Variants in CYP20A1 observed in about 807,000 individuals in gnomAD.
CYP20A1 encodes cytochrome P450 family 20 subfamily A member 1.
In CYP20A1, 61 loss-of-function variants were observed where a neutral mutation model predicts 61.4. That is an observed-to-expected ratio of 0.99 (90% CI 0.81 to 1.23). CYP20A1 has a LOEUF of 1.23. Among genes scored for constraint, CYP20A1 ranks in the 50% most tolerant of loss-of-function variants. CYP20A1 has a pLI of 0.00. For missense variants in CYP20A1, 530 were observed against 542.4 expected (o/e 0.98, Z 0.23); for synonymous variants, 193 against 188.2 (o/e 1.03, Z -0.21).
chr2:203,295,436 G>A lies in CYP20A1; in HGVS notation c.1149-1038G>A, dbSNP rs1306127653. Among the ~76,000 whole-genome samples, 3 of 152,080 alleles carry A rather than the reference G, an allele frequency of 2.0e-5. No homozygotes were observed. The South Asian group carries it at 6.2e-4, about 31-fold the overall frequency. On this transcript the variant is annotated intron_variant, in intron 11 of 12. Transcript: ENST00000356079. Reference sequence around the variant, plus strand: ...TGATAAATATAATTTTAAGGCTGGAGCCTCCAATTTTAAGACATAAATTTC... The same window carrying A: ...TGATAAATATAATTTTAAGGCTGGAACCTCCAATTTTAAGACATAAATTTC...
At chr2:203,266,378 C>A in intron 4 of CYP20A1, 136 bp from the exon 5 acceptor site, 2 of 711,186 alleles carry the variant, frequency 2.8e-6, no homozygotes, top group Non-Finnish European at 4.7e-6. Flanking sequence ...TAGTGTTAGT[C>A]TGACAGATTC....
chr2:203,300,967 C>T lies in CYP20A1; in HGVS notation c.*4059C>T, dbSNP rs1326357231. On this transcript the variant is annotated 3_prime_UTR_variant, in exon 13 of 13. Coordinates refer to ENST00000356079, the MANE Select transcript of CYP20A1 (RefSeq NM_177538.3). Reference sequence around the variant, plus strand: ...ATCCCAGCACTTTGGGAGGCTGAGGCGGGCAGATCACCTGAAGTCAGGAGT... The same window carrying T: ...ATCCCAGCACTTTGGGAGGCTGAGGTGGGCAGATCACCTGAAGTCAGGAGT... Among the ~76,000 whole-genome samples the T allele has an allele frequency of 2.0e-5, 3 of 148,656 alleles. No individual in the cohort carries two copies. The highest frequency in any genetic ancestry group is 2.5e-5 in the African/African-American group (1 of 40,312).
intron 1 of CYP20A1, among the ~76,000 whole-genome samples, chr2:203,239,725 T>C (rs1431936100): frequency 1.3e-5 from 2 of 152,234 alleles, no homozygotes; most frequent in African/African-American, 2.4e-5. Context: ...CGAGGTTTCC[T>C]CTGCCGCTGA....
In CYP20A1 at chr2:203,296,885, A is replaced by G; in HGVS notation, c.1366A>G (p.Ile456Val). The G allele has an allele frequency of 6.3e-7, 1 of 1,595,922 alleles. No homozygotes were observed. The highest frequency in any genetic ancestry group is 2.2e-5 in the East Asian group (1 of 44,576). ...AACATCATCAAGGGAAGAAGCTTGG[A>G]TCACTGTCTCAAAGAGATATTAAAA... is the stretch of plus-strand genomic sequence containing the variant. ...LVTSSREEAW[I>V]TVSKRY The change falls in exon 13 of 13, where the codon ATC becomes GTC. Residue 456 changes from isoleucine to valine, a missense_variant. Ile to Val is a conservative substitution (Grantham distance 29). Transcript: ENST00000356079.
intron 6 of CYP20A1, among the ~76,000 whole-genome samples, chr2:203,276,249 A>G (rs2067815669): frequency 6.6e-6 from 1 of 152,238 alleles, no homozygotes; most frequent in Non-Finnish European, 1.5e-5. Flanking sequence ...AGATGAGGTC[A>G]GAAAGACTGG....
At chr2:203,280,465 G>A (rs1015827612) in intron 8 of CYP20A1, among the ~76,000 whole-genome samples, 1 of 152,164 alleles carries the variant, frequency 6.6e-6, no homozygotes, top group South Asian at 2.1e-4. Flanking sequence ...CTTTTTGGGA[G>A]GCCAGGGCAG....
chr2:203,303,896 T>G lies in CYP20A1; in HGVS notation c.*6988T>G, dbSNP rs866017006. Among the ~76,000 whole-genome samples the G allele has an allele frequency of 2.8e-5, 4 of 145,198 alleles. No homozygotes were observed. Among genetic ancestry groups the G allele is most frequent in the South Asian group, 2.3e-4 (1 of 4,424 alleles). On this transcript the variant is annotated 3_prime_UTR_variant, in exon 13 of 13. Coordinates refer to ENST00000356079, the MANE Select transcript of CYP20A1 (RefSeq NM_177538.3). Reference sequence around the variant, plus strand: ...TCTCAAAAAAAAAAAAAAAAAAAACTTATTGAGAGAATAATATACCACTAA... The same window carrying G: ...TCTCAAAAAAAAAAAAAAAAAAAACGTATTGAGAGAATAATATACCACTAA...
At position 203,292,292 on chromosome 2, in the gene CYP20A1, C is replaced by T. The variant is rs889650887; in HGVS notation, c.1114C>T (p.Leu372Phe). ...CGTCCTTTATGCCCTTGGTGTGGTA[C>T]TTCAGGATCCTAATACTTGGCCATC... ...TLVLYALGVV[L>F]QDPNTWPSPH... Residue 372 changes from leucine (L) to phenylalanine (F), a missense_variant, in exon 11 of 13, where the codon CTT becomes TTT. By Grantham distance (22) the Leu-to-Phe change is conservative. Transcript: ENST00000356079. 2.5e-6 allele frequency: 4 copies of T among 1,612,128 alleles called. No individual in the cohort carries two copies. Among genetic ancestry groups the T allele is most frequent in the African/African-American group, 2.7e-5 (2 of 74,628 alleles).
intron 3 of CYP20A1, among the ~76,000 whole-genome samples, chr2:203,248,417 C>A (rs904454922): frequency 6.6e-6 from 1 of 151,942 alleles, no homozygotes; most frequent in Non-Finnish European, 1.5e-5. Context: ...GCCTGTAATC[C>A]CAGCTACTTG....
In CYP20A1 at chr2:203,246,826, A is replaced by G. The variant is rs781480905; in HGVS notation, c.194A>G (p.Tyr65Cys). The G allele has an allele frequency of 3.1e-6, 5 of 1,614,174 alleles. No individual in the cohort carries two copies. Among genetic ancestry groups the G allele is most frequent in the Non-Finnish European group, 4.2e-6 (5 of 1,180,030 alleles). The change falls in exon 3 of 13, where the codon TAT (tyrosine) becomes TGT (cysteine). Residue 65 changes from tyrosine to cysteine, a missense_variant. Physicochemically the swap from Tyr to Cys is radical, Grantham distance 194. Coordinates refer to ENST00000356079, the MANE Select transcript of CYP20A1 (RefSeq NM_177538.3). The stretch of plus-strand genomic sequence containing the variant: ...TTCCTGGTTAATTTGCATGAGAGAT[A>G]TGGGCCTGTGGTCTCCTTCTGGTTT... ...HEFLVNLHER[Y>C]GPVVSFWFGR...
intron 8 of CYP20A1, among the ~76,000 whole-genome samples, 192 bp downstream of exon 8, chr2:203,280,305 T>C (rs2067990484): frequency 6.6e-6 from 1 of 152,266 alleles, no homozygotes; most frequent in Non-Finnish European, 1.5e-5. Context: ...TGATGGCCCG[T>C]GCCTGTAGTC....
At chr2:203,265,597 T>C (rs1394316483) in intron 4 of CYP20A1, among the ~76,000 whole-genome samples, 2 of 152,248 alleles carry the variant, frequency 1.3e-5, no homozygotes, top group Non-Finnish European at 2.9e-5. Flanking sequence ...CTTTATTTTA[T>C]ATAAAGATAA....
In CYP20A1 at chr2:203,266,389, G is replaced by A. The variant is rs111946872; in HGVS notation, c.433-125G>A. On this transcript the variant is annotated intron_variant, in intron 4 of 12. Coordinates refer to ENST00000356079, the MANE Select transcript of CYP20A1 (RefSeq NM_177538.3). ...GAGCTAGTGTTAGTCTGACAGATTC[G>A]TACCTGAATGTTGACTTTGGTTACA... 7.1e-5 allele frequency: 55 copies of A among 772,952 alleles called. 2 individuals carry two copies. Among genetic ancestry groups the A allele is most frequent in the African/African-American group, 2.6e-4 (15 of 57,602 alleles). 47.9% of individuals were successfully genotyped at this position (772,952 alleles called of 1,614,324 possible).
intron 8 of CYP20A1, among the ~76,000 whole-genome samples, chr2:203,281,071 T>C (rs2152095532): frequency 6.6e-6 from 1 of 152,330 alleles, no homozygotes; most frequent in Non-Finnish European, 1.5e-5. Flanking sequence ...AGGTGATTTT[T>C]ATGTAAAATT....
At chr2:203,254,162 G>A (rs2066807348) in intron 4 of CYP20A1, among the ~76,000 whole-genome samples, 1 of 151,772 alleles carries the variant, frequency 6.6e-6, no homozygotes, top group African/African-American at 2.4e-5. Flanking sequence ...TGGCCAGGCT[G>A]GTCTTGAACT....
intron 8 of CYP20A1, among the ~76,000 whole-genome samples, chr2:203,283,510 C>T: frequency 6.6e-6 from 1 of 150,396 alleles, no homozygotes; most frequent in South Asian, 2.1e-4. Context: ...GCCACCACAC[C>T]CAGCCAATGT....
chr2:203,246,636 T>C, intron 2 of CYP20A1, 119 bp from the exon 3 acceptor site: 1 of 1,039,456 alleles, frequency 9.6e-7, no homozygotes. Context: ...TTTGCAGTAA[T>C]TTGAATTTCA....
At chr2:203,248,503 C>T (rs768081284) in intron 3 of CYP20A1, among the ~76,000 whole-genome samples, 2 of 151,808 alleles carry the variant, frequency 1.3e-5, no homozygotes, top group African/African-American at 2.4e-5. Context: ...CACTGCGCTC[C>T]AGCCTGGGTG....
chr2:203,296,770 G>A lies in CYP20A1; in HGVS notation c.1251G>A (p.Met417Ile). Residue 417 changes from methionine to isoleucine, a missense_variant, in exon 13 of 13, where the codon ATG (methionine) becomes ATA (isoleucine). Transcript: ENST00000356079. The stretch of plus-strand genomic sequence containing the variant: ...TCTTCCTGACTAGGTTTGCATATAT[G>A]GTGACCACAGTACTTCTTAGTGTAT... ...QECPELRFAY[M>I]VTTVLLSVLV... The A allele has an allele frequency of 1.9e-6, 3 of 1,589,470 alleles. No individual in the cohort carries two copies. The highest frequency in any genetic ancestry group is 2.6e-6 in the Non-Finnish European group (3 of 1,173,568).
Sources: gnomAD v4.1 joint callset for allele counts (sites outside exome capture counted in the v4.1 genomes callset) on GRCh38, gnomAD v4.1.1 for gene constraint, MANE v1.5 for transcripts, NCBI Gene and HGNC (gene_info 2026-07-23, HGNC 2026-07-21) for gene names.